STAG1: variants seen among roughly 807,000 people sequenced by gnomAD.
The protein encoded by STAG1 is STAG1 cohesin complex component, also known as cohesin subunit SA-1.
Under a neutral mutation model 170.9 loss-of-function variants are expected in STAG1, and 26 were observed. That is an observed-to-expected ratio of 0.15 (90% CI 0.11 to 0.21). STAG1 has a LOEUF of 0.21. Ranked by LOEUF, STAG1 falls within the 10% of genes least tolerant of loss-of-function variation. The probability of loss-of-function intolerance (pLI) is 1.00; values close to 1 mark genes in which losing one functional copy is unlikely to be tolerated. For missense variants in STAG1, 964 were observed against 1,509.5 expected, an observed-to-expected ratio of 0.64 and a Z score of 5.99; for synonymous variants, 514 against 497.7, an observed-to-expected ratio of 1.03 and a Z score of -0.44.
At chr3:136,656,012 A>G (rs971716606) in intron 1 of STAG1, among the ~76,000 whole-genome samples, 2 of 152,188 alleles carry the variant, frequency 1.3e-5, no homozygotes, top group African/African-American at 2.4e-5. Flanking sequence ...ACTTCAATCA[A>G]GGAAGCAACT....
intron 1 of STAG1, among the ~76,000 whole-genome samples, chr3:136,691,502 G>A (rs1942722430): frequency 1.3e-5 from 2 of 152,062 alleles, no homozygotes; most frequent in South Asian, 4.1e-4. Context: ...CCTGAGGTAA[G>A]AGCCTCACTT....
At chr3:136,511,027 C>A (rs1462986634) in intron 7 of STAG1, among the ~76,000 whole-genome samples, 1 of 152,188 alleles carries the variant, frequency 6.6e-6, no homozygotes, top group African/African-American at 2.4e-5. Flanking sequence ...CTGTCTCGGC[C>A]TCCCAAAGTG....
intron 22 of STAG1, among the ~76,000 whole-genome samples, chr3:136,380,020 A>G (rs889726323): frequency 6.6e-6 from 1 of 152,144 alleles, no homozygotes; most frequent in African/African-American, 2.4e-5. Flanking sequence ...TTGAGAGCTG[A>G]TATGTACCAC....
chr3:136,491,114 T>C (rs940875507), intron 9 of STAG1, among the ~76,000 whole-genome samples: 11 of 152,294 alleles, frequency 7.2e-5, no homozygotes, highest in African/African-American at 2.2e-4. Context: ...AATACATTTC[T>C]TTCTATGTAT....
intron 4 of STAG1, among the ~76,000 whole-genome samples, chr3:136,592,687 T>C (rs1938243839): frequency 1.3e-5 from 2 of 152,214 alleles, no homozygotes; most frequent in East Asian, 3.9e-4. Context: ...CTAAGGTTAG[T>C]TGCCAAATAC....
At chr3:136,731,602 T>G (rs879213428) in intron 1 of STAG1, among the ~76,000 whole-genome samples, 3 of 152,162 alleles carry the variant, frequency 2.0e-5, no homozygotes, top group Non-Finnish European at 2.9e-5. Context: ...CCGAAGAAGG[T>G]ACTACCTAAG....
intron 5 of STAG1, among the ~76,000 whole-genome samples, chr3:136,564,999 A>C (rs1342627298): frequency 7.1e-4 from 56 of 78,362 alleles, no homozygotes; most frequent in African/African-American, 4.7e-3. Context: ...GGAAGGAAGG[A>C]AGGAAGGAAG....
intron 1 of STAG1, among the ~76,000 whole-genome samples, chr3:136,733,914 T>C (rs186228605): frequency 4.6e-4 from 70 of 152,230 alleles, no homozygotes; most frequent in African/African-American, 1.6e-3. Context: ...AAGACCATCC[T>C]GGCTAACACG....
intron 6 of STAG1, among the ~76,000 whole-genome samples, chr3:136,523,317 C>G (rs1934790508): frequency 6.6e-6 from 1 of 152,130 alleles, no homozygotes; most frequent in African/African-American, 2.4e-5. Flanking sequence ...CTCTGACGGC[C>G]AGAGATAATG....
chr3:136,545,860 C>T (rs1936133832), intron 5 of STAG1, among the ~76,000 whole-genome samples: 1 of 152,056 alleles, frequency 6.6e-6, no homozygotes, highest in African/African-American at 2.4e-5. Context: ...TTATAACAGT[C>T]CTTGTGGGGG....
chr3:136,668,162 T>C (rs1941856752), intron 1 of STAG1, among the ~76,000 whole-genome samples: 2 of 151,344 alleles, frequency 1.3e-5, no homozygotes. Context: ...GAACCCAGAA[T>C]ATGGAGGTTG....
rs1165228256 is a variant in STAG1, at chr3:136,340,539, C to T, written c.3624G>A (p.Gln1208=). The change falls in exon 32 of 34, where the codon CAG becomes CAA. Residue 1208 remains glutamine, a synonymous_variant. Transcript: ENST00000383202. ...FEDVMMSSRS[Q]LEDMNEEFED... ...CAAATTCTTCATTCATATCTTCTAACTGGCTTCGGGATGACATCATCACAT... is the reference window on the plus strand; with the variant it reads ...CAAATTCTTCATTCATATCTTCTAATTGGCTTCGGGATGACATCATCACAT... The T allele has an allele frequency of 6.2e-7, 1 of 1,614,032 alleles. No individual in the cohort carries two copies. Among genetic ancestry groups the T allele is most frequent in the Non-Finnish European group, 8.5e-7 (1 of 1,179,866 alleles).
chr3:136,678,600 T>C (rs1942218196), intron 1 of STAG1, among the ~76,000 whole-genome samples: 1 of 150,682 alleles, frequency 6.6e-6, no homozygotes, highest in Non-Finnish European at 1.5e-5. Flanking sequence ...CTATAAAAAA[T>C]TCATATTAAA....
At chr3:136,710,082 G>A (rs992863660) in intron 1 of STAG1, among the ~76,000 whole-genome samples, 9 of 152,082 alleles carry the variant, frequency 5.9e-5, no homozygotes, top group Non-Finnish European at 1.2e-4. Flanking sequence ...GGAGGGATTG[G>A]GAACTCCAGA....
chr3:136,506,797 G>T (rs907300125), intron 7 of STAG1, among the ~76,000 whole-genome samples: 1 of 152,098 alleles, frequency 6.6e-6, no homozygotes, highest in African/African-American at 2.4e-5. Flanking sequence ...ATGCCTAGTA[G>T]ACACACATTT....
chr3:136,440,946 A>G (rs2107758794), intron 15 of STAG1, among the ~76,000 whole-genome samples: 1 of 152,246 alleles, frequency 6.6e-6, no homozygotes, highest in African/African-American at 2.4e-5. Flanking sequence ...TGTGATCACA[A>G]AAGTGAAGGG....
At chr3:136,621,974 T>G (rs1429712859) in intron 3 of STAG1, among the ~76,000 whole-genome samples, 1 of 137,658 alleles carries the variant, frequency 7.3e-6, no homozygotes, top group Non-Finnish European at 1.5e-5. Context: ...GACTTCACAA[T>G]GATATTGTGG....
At chr3:136,460,894 A>G (rs1290751455) in intron 13 of STAG1, among the ~76,000 whole-genome samples, 3 of 152,184 alleles carry the variant, frequency 2.0e-5, no homozygotes, top group South Asian at 2.1e-4. Flanking sequence ...AACAAAAACT[A>G]TTAGACAATA....
At chr3:136,685,485 CTCAAA>C (rs1232605508) in intron 1 of STAG1, among the ~76,000 whole-genome samples, 1 of 152,184 alleles carries the variant, frequency 6.6e-6, no homozygotes, top group African/African-American at 2.4e-5. Flanking sequence ...TTAGAATTTA[CTCAAA>C]TGAGTTGAAA....
Sources: gnomAD v4.1 joint callset for allele counts (sites outside exome capture counted in the v4.1 genomes callset) on GRCh38, gnomAD v4.1.1 for gene constraint, MANE v1.5 for transcripts, NCBI Gene and HGNC (gene_info 2026-07-23, HGNC 2026-07-21) for gene names.